The following TPO variants were observed in gnomAD, a reference collection of about 807,000 sequenced individuals.
The protein encoded by TPO is thyroid microsomal antigen.
A neutral mutation model predicts 96.9 loss-of-function variants in TPO; 78 were observed. The ratio of observed to expected loss-of-function variants is 0.81; its 90% CI spans 0.67 to 0.97. The LOEUF is 0.97. Ranked by LOEUF, TPO falls within the 50% of genes least tolerant of loss-of-function variation. The pLI, the probability that TPO is intolerant of heterozygous loss-of-function variation, is 0.00. For missense variants in TPO, 1,252 were observed against 1,274.8 expected (o/e 0.98, Z 0.27); for synonymous variants, 547 against 538.0 (o/e 1.02, Z -0.23).
At chr2:1,464,773 G>T (rs1668748382) in intron 7 of TPO, among the ~76,000 whole-genome samples, 1 of 152,106 alleles carries the variant, frequency 6.6e-6, no homozygotes, top group African/African-American at 2.4e-5. Context: ...TGATTTGTTT[G>T]AGTTTGTTGT....
At chr2:1,531,743 CCCCCACTCTCTGTAACCTCCCCAAATCA>C (rs1227506277) in intron 15 of TPO, among the ~76,000 whole-genome samples, 21 of 50,984 alleles carry the variant, frequency 4.1e-4, no homozygotes, top group East Asian at 2.5e-3. Context: ...CCCCAAATCA[CCCCCACTCTCTGTAACCTCCCCAAATCA>C]CCCCCACTCT....
intron 13 of TPO, among the ~76,000 whole-genome samples, chr2:1,499,117 G>A (rs1225376623): frequency 1.3e-5 from 2 of 152,134 alleles, no homozygotes; most frequent in African/African-American, 4.8e-5. Context: ...TCTTCAAGGT[G>A]CAAATAAAAG....
chr2:1,499,369 C>T (rs895598388), intron 13 of TPO, among the ~76,000 whole-genome samples: 4 of 152,158 alleles, frequency 2.6e-5, no homozygotes, highest in African/African-American at 4.8e-5. Context: ...GAAATTTTTT[C>T]ATTTATCTTC....
chr2:1,459,792 T>C (rs1057216273), intron 7 of TPO, among the ~76,000 whole-genome samples: 10 of 152,244 alleles, frequency 6.6e-5, no homozygotes, highest in Admixed American at 5.9e-4. Context: ...GTCCAGCCTC[T>C]GTCCCTGGGA....
At chr2:1,409,349 A>T (rs1444960231), upstream of TPO, among the ~76,000 whole-genome samples, 2 of 152,246 alleles carry the variant, frequency 1.3e-5, no homozygotes, top group Non-Finnish European at 1.5e-5. Flanking sequence ...TATCTGACTC[A>T]TATAAACTGG....
rs202073365 is a variant in TPO at position 1,493,839 on chromosome 2, C to T, written c.1806C>T (p.Arg602=). ...NEWREFCGLP[R]LETPADLSTA... is the part of the protein sequence containing the mutation. Reference sequence around the variant, plus strand: ...GGAGGGAGTTCTGCGGCCTGCCTCGCCTGGAGACCCCCGCTGACCTGAGCA... The same window carrying T: ...GGAGGGAGTTCTGCGGCCTGCCTCGTCTGGAGACCCCCGCTGACCTGAGCA... The change falls in exon 11 of 17, where the codon CGC becomes CGT. Residue 602 remains arginine (R), a synonymous_variant. Coordinates refer to ENST00000329066, the MANE Select transcript of TPO (RefSeq NM_001206744.2). 1 of 1,614,102 alleles carries T rather than the reference C, an allele frequency of 6.2e-7. No individual in the cohort carries two copies. The highest frequency in any genetic ancestry group is 8.5e-7 in the Non-Finnish European group (1 of 1,180,008).
chr2:1,454,627 C>T (rs28909412), intron 6 of TPO, among the ~76,000 whole-genome samples: 2 of 152,282 alleles, frequency 1.3e-5, no homozygotes, highest in African/African-American at 4.8e-5. Context: ...ATTGGGCTCA[C>T]GCTCTGCTCC....
At chr2:1,384,983 T>A (rs1428391835) in intron 1 of TPO, among the ~76,000 whole-genome samples, 1 of 152,236 alleles carries the variant, frequency 6.6e-6, no homozygotes, top group Non-Finnish European at 1.5e-5. Flanking sequence ...GTGGTTTTTG[T>A]CTTTGGTTCT....
intron 5 of TPO, among the ~76,000 whole-genome samples, chr2:1,450,566 T>G (rs960412440): frequency 6.6e-6 from 1 of 152,234 alleles, no homozygotes; most frequent in South Asian, 2.1e-4. Flanking sequence ...AGATTTCCAC[T>G]GGGAAAGGAT....
chr2:1,467,420 T>C (rs1669004739), intron 7 of TPO, among the ~76,000 whole-genome samples: 1 of 152,194 alleles, frequency 6.6e-6, no homozygotes, highest in East Asian at 1.9e-4. Flanking sequence ...AATTTTTTAA[T>C]TTCCATCTTG....
chr2:1,433,437 G>A lies in TPO; in HGVS notation c.180-1G>A. The A allele has an allele frequency of 6.2e-7, 1 of 1,614,166 alleles. No individual in the cohort carries two copies. The highest frequency in any genetic ancestry group is 8.5e-7 in the Non-Finnish European group (1 of 1,180,030). ...TTTTATATCTTCTTTATGTGCCATAGAAACCTCAAGAAAAGAGGAATCCTT... is the reference window on the plus strand; with the variant it reads ...TTTTATATCTTCTTTATGTGCCATAAAAACCTCAAGAAAAGAGGAATCCTT... On this transcript the variant is annotated splice_acceptor_variant, in intron 3 of 16. Coordinates refer to ENST00000329066, the MANE Select transcript of TPO (RefSeq NM_001206744.2). LOFTEE classifies it high-confidence loss of function.
intron 1 of TPO, 63 bp from the exon 2 acceptor site, chr2:1,414,345 C>A (rs1662662406): frequency 4.7e-6 from 7 of 1,482,634 alleles, no homozygotes; most frequent in Non-Finnish European, 6.5e-6. Context: ...GACAAGGACA[C>A]AGCGGTTCCC....
intron 1 of TPO, among the ~76,000 whole-genome samples, chr2:1,380,954 G>A (rs539237791): frequency 6.6e-6 from 1 of 152,150 alleles, no homozygotes; most frequent in Non-Finnish European, 1.5e-5. Context: ...AGAAAACAAA[G>A]TGAGAGGAGG....
intron 8 of TPO, 96 bp from the exon 9 acceptor site, chr2:1,484,500 G>A (rs952639959): frequency 1.3e-6 from 2 of 1,530,088 alleles, no homozygotes; most frequent in East Asian, 4.6e-5. Flanking sequence ...CCAGTTCCCT[G>A]GGGCTGTCAA....
At chr2:1,532,506 C>G (rs1171701848) in intron 15 of TPO, among the ~76,000 whole-genome samples, 2 of 133,318 alleles carry the variant, frequency 1.5e-5, no homozygotes, top group African/African-American at 2.9e-5. Context: ...TCCTCAAAAC[C>G]CCCGCCACTC....
At chr2:1,422,717 A>G (rs1236593081) in intron 2 of TPO, among the ~76,000 whole-genome samples, 4 of 152,220 alleles carry the variant, frequency 2.6e-5, no homozygotes, top group Admixed American at 2.6e-4. Context: ...AATCTTATCA[A>G]CTTTACCACT....
At chr2:1,506,152 T>G (rs1308163822) in intron 14 of TPO, among the ~76,000 whole-genome samples, 1 of 152,078 alleles carries the variant, frequency 6.6e-6, no homozygotes, top group Non-Finnish European at 1.5e-5. Flanking sequence ...TTTTTTGTCC[T>G]TGGGATAGTT....
chr2:1,469,721 G>T (rs565390750), intron 7 of TPO, among the ~76,000 whole-genome samples: 2 of 152,132 alleles, frequency 1.3e-5, no homozygotes, highest in Admixed American at 6.5e-5. Flanking sequence ...ATCTTCTCCC[G>T]TAATCTAGAC....
intron 1 of TPO, among the ~76,000 whole-genome samples, chr2:1,404,796 G>A (rs928074817): frequency 2.0e-5 from 3 of 152,180 alleles, no homozygotes; most frequent in Non-Finnish European, 4.4e-5. Context: ...GAAGGCTGCA[G>A]CATTGGTTTT....
Sources: allele counts gnomAD v4.1 joint callset (sites outside exome capture counted in the v4.1 genomes callset), GRCh38; gene constraint gnomAD v4.1.1; transcripts MANE v1.5; gene names NCBI Gene and HGNC (gene_info 2026-07-23, HGNC 2026-07-21).